THAP4: variants seen among roughly 807,000 people sequenced by gnomAD.
The protein encoded by THAP4 is THAP domain containing 4.
A neutral mutation model predicts 48.1 loss-of-function variants in THAP4; 18 were observed. The ratio of observed to expected loss-of-function variants is 0.37; its 90% CI spans 0.26 to 0.56. The LOEUF (loss-of-function observed/expected upper bound fraction) is 0.56. Ranked by LOEUF, THAP4 falls within the 20% of genes least tolerant of loss-of-function variation. The probability of loss-of-function intolerance (pLI) is 0.78; values close to 1 mark genes in which losing one functional copy is unlikely to be tolerated. For synonymous variants in THAP4, 345 were observed against 324.9 expected, an observed-to-expected ratio of 1.06 and a Z score of -0.66; for missense variants, 656 against 774.9, an observed-to-expected ratio of 0.85 and a Z score of 1.82.
intron 2 of THAP4, among the ~76,000 whole-genome samples, chr2:241,623,004 T>G (rs889346905): frequency 6.7e-6 from 1 of 148,208 alleles, no homozygotes; most frequent in Non-Finnish European, 1.5e-5. Context: ...GATCACAATG[T>G]CAGGAGATCG....
At chr2:241,607,264 G>A (rs553214024) in intron 2 of THAP4, among the ~76,000 whole-genome samples, 1 of 152,186 alleles carries the variant, frequency 6.6e-6, no homozygotes, top group Admixed American at 6.5e-5. Context: ...TGTTCTGCTG[G>A]GCGAACTCAA....
intron 5 of THAP4, among the ~76,000 whole-genome samples, chr2:241,594,313 G>A (rs968693982): frequency 1.3e-5 from 2 of 152,210 alleles, no homozygotes; most frequent in Non-Finnish European, 2.9e-5. Flanking sequence ...GCCAGGGGTT[G>A]TGGCTTATGC....
At position 241,637,036 on chromosome 2, in the gene THAP4, C is replaced by G; in HGVS notation, c.-19G>C. 2 of 1,243,798 alleles carry G rather than the reference C, an allele frequency of 1.6e-6. No homozygotes were observed. The highest frequency in any genetic ancestry group is 2.1e-6 in the Non-Finnish European group (2 of 969,258). The allele number at this position is 1,243,798 out of a possible 1,614,324, so 77.0% of individuals were successfully genotyped here. On this transcript the variant is annotated 5_prime_UTR_variant, in exon 1 of 6. Transcript: ENST00000407315. ...TCACCATCGCGGGCCTTGGCCCAGC[C>G]GCGCAGCCAGGCCCCGGCCCTAGCC...
chr2:241,590,236 T>G (rs2066943447), intron 5 of THAP4, among the ~76,000 whole-genome samples: 2 of 145,370 alleles, frequency 1.4e-5, no homozygotes, highest in Non-Finnish European at 3.0e-5. Flanking sequence ...TAATGGGCAC[T>G]AGGACACTCA....
chr2:241,633,331 G>A lies in THAP4; in HGVS notation c.826C>T (p.Pro276Ser). ...EPSCSGSSLGPDKGLAQSPPS... is the reference protein window; with the variant it reads ...EPSCSGSSLGSDKGLAQSPPS... ...GGGCTCTGGGCCAGGCCCTTGTCGG[G>A]TCCCAGGCTGCTCCCACTGCAGCTT... The change falls in exon 2 of 6, where the codon CCC becomes TCC. Residue 276 changes from proline to serine, a missense_variant. Pro to Ser is a moderately conservative substitution (Grantham distance 74). This residue lies in a region of THAP4 where 391 missense variants were observed against 412.4 expected (regional missense o/e 0.95). Coordinates refer to ENST00000407315, the MANE Select transcript of THAP4 (RefSeq NM_015963.6). The surrounding 1 kb of genome is among the most constrained non-coding windows in gnomAD (Gnocchi z 7.5). 6.2e-7 allele frequency: 1 copy of A among 1,612,576 alleles called. No homozygotes were observed. The highest frequency in any genetic ancestry group is 8.5e-7 in the Non-Finnish European group (1 of 1,180,008).
chr2:241,603,736 G>A (rs1002665949), intron 3 of THAP4, among the ~76,000 whole-genome samples: 5 of 152,152 alleles, frequency 3.3e-5, no homozygotes, highest in Admixed American at 2.6e-4. Context: ...CAATTCCTAC[G>A]GTAAAAAACA....
In THAP4 at chr2:241,602,005, AG is replaced by A. The variant is rs752805655; in HGVS notation, c.1511-7del. 10 of 1,609,824 alleles carry A rather than the reference AG, an allele frequency of 6.2e-6. No homozygotes were observed. The East Asian group carries it at 2.2e-4, about 36-fold the overall frequency. On this transcript the variant is annotated splice_polypyrimidine_tract_variant and splice_region_variant and intron_variant, in intron 4 of 5. Coordinates refer to ENST00000407315, the MANE Select transcript of THAP4 (RefSeq NM_015963.6). ...CTCCTCCACTTCCACCACGCCTGCAAGGGAAGGGCAGTCAGCTCACCCAGCA... is the reference window on the plus strand; with the variant it reads ...CTCCTCCACTTCCACCACGCCTGCAAGGAAGGGCAGTCAGCTCACCCAGCA...
At chr2:241,622,123 A>G (rs1184261349) in intron 2 of THAP4, among the ~76,000 whole-genome samples, 1 of 152,214 alleles carries the variant, frequency 6.6e-6, no homozygotes, top group South Asian at 2.1e-4. Flanking sequence ...TAATCCCAAC[A>G]CTTTGGGAGG....
intron 2 of THAP4, chr2:241,617,569 G>A: frequency 2.9e-6 from 3 of 1,025,562 alleles, no homozygotes; most frequent in African/African-American, 1.6e-5. Context: ...GTTCCACTAT[G>A]AAAGATCACG....
At chr2:241,593,501 G>A (rs946006990) in intron 5 of THAP4, among the ~76,000 whole-genome samples, 3 of 152,174 alleles carry the variant, frequency 2.0e-5, no homozygotes, top group Non-Finnish European at 2.9e-5. Context: ...AGACGCACAC[G>A]GGGACCCGAC....
At chr2:241,625,003 A>T (rs2067479895) in intron 2 of THAP4, among the ~76,000 whole-genome samples, 2 of 152,258 alleles carry the variant, frequency 1.3e-5, no homozygotes, top group Non-Finnish European at 2.9e-5. Flanking sequence ...CATCTATTAA[A>T]GAAATGGAAT....
intron 2 of THAP4, among the ~76,000 whole-genome samples, chr2:241,624,968 A>C (rs893489147): frequency 6.6e-6 from 1 of 152,214 alleles, no homozygotes; most frequent in African/African-American, 2.4e-5. Flanking sequence ...GCAGAGACTA[A>C]ATATATTTTT....
intron 2 of THAP4, among the ~76,000 whole-genome samples, chr2:241,623,442 T>G (rs1410892604): frequency 3.9e-5 from 6 of 151,954 alleles, no homozygotes; most frequent in African/African-American, 1.5e-4. Context: ...TAGCAGGGCA[T>G]GGTGGCACGC....
At chr2:241,619,726 CGGTGAGGGGTG>C (rs1340114491) in intron 2 of THAP4, among the ~76,000 whole-genome samples, 7 of 113,830 alleles carry the variant, frequency 6.1e-5, no homozygotes, top group Non-Finnish European at 1.3e-4. Context: ...GTGAGTGAGT[CGGTGAGGGGTG>C]AGTGAGGGGT....
chr2:241,631,689 T>A (rs1328680070), intron 2 of THAP4, among the ~76,000 whole-genome samples: 1 of 152,156 alleles, frequency 6.6e-6, no homozygotes, highest in African/African-American at 2.4e-5. Context: ...TGGTTTGAAC[T>A]TCTGGACTCA....
At chr2:241,635,526 G>T (rs1389914857) in intron 1 of THAP4, among the ~76,000 whole-genome samples, 1 of 152,264 alleles carries the variant, frequency 6.6e-6, no homozygotes, top group South Asian at 2.1e-4. Flanking sequence ...AGGCCGAGGC[G>T]GGTGGATCAC....
At chr2:241,635,982 T>G (rs2067641430) in intron 1 of THAP4, among the ~76,000 whole-genome samples, 1 of 151,266 alleles carries the variant, frequency 6.6e-6, no homozygotes. Context: ...CCACCCCCAA[T>G]TCCGATGTCC....
intron 3 of THAP4, among the ~76,000 whole-genome samples, chr2:241,604,400 C>T (rs1009513356): frequency 1.3e-5 from 2 of 151,842 alleles, no homozygotes; most frequent in Admixed American, 6.6e-5. Flanking sequence ...TACAGGCATG[C>T]GCCACCATGC....
In THAP4 at chr2:241,633,529, C is replaced by T. The variant is rs775185399; in HGVS notation, c.628G>A (p.Val210Met). The change falls in exon 2 of 6, where the codon GTG (valine) becomes ATG (methionine). Residue 210 changes from valine (V) to methionine (M), a missense_variant. Physicochemically the swap from Val to Met is conservative, Grantham distance 21. This residue lies in a region of THAP4 where 391 missense variants were observed against 412.4 expected (regional missense o/e 0.95). Transcript: ENST00000407315. The surrounding 1 kb of genome is among the most constrained non-coding windows in gnomAD (Gnocchi z 7.5). ...ESATSSIEGG[V>M]TDKSGISMDD... ...ATAGAAATGCCACTCTTATCTGTCA[C>T]GCCCCCTTCGATGGAGGAAGTGGCG... 1.6e-5 allele frequency: 26 copies of T among 1,613,980 alleles called. No homozygotes were observed. Among genetic ancestry groups the T allele is most frequent in the South Asian group, 9.9e-5 (9 of 91,082 alleles).
Sources: allele counts gnomAD v4.1 joint callset (sites outside exome capture counted in the v4.1 genomes callset), GRCh38; gene constraint gnomAD v4.1.1; regional missense constraint gnomAD v4.1.1; non-coding constraint Gnocchi (gnomAD v3.1); transcripts MANE v1.5; gene names NCBI Gene and HGNC (gene_info 2026-07-23, HGNC 2026-07-21).